NUP155: variants seen among roughly 807,000 people sequenced by gnomAD.
NUP155 encodes the protein nuclear pore complex protein Nup155.
Under a neutral mutation model 180.4 loss-of-function variants are expected in NUP155, and 71 were observed. The observed-to-expected ratio is 0.39, with a 90% CI of 0.33 to 0.48. The LOEUF (loss-of-function observed/expected upper bound fraction) is 0.48. Among genes scored for constraint, NUP155 ranks in the 20% least tolerant of loss-of-function variants. The probability of loss-of-function intolerance (pLI) is 0.91; values close to 1 mark genes in which losing one functional copy is unlikely to be tolerated. For missense variants in NUP155, 1,553 were observed against 1,648.9 expected (o/e 0.94, Z 1.01); for synonymous variants, 582 against 559.5 (o/e 1.04, Z -0.57).
At chr5:37,364,462 A>G (rs1747421044) in intron 1 of NUP155, 78 bp from the exon 2 acceptor site, 1 of 1,316,564 alleles carries the variant, frequency 7.6e-7, no homozygotes, top group Non-Finnish European at 1.1e-6. Flanking sequence ...GTGCCACAAA[A>G]AAATTGTTGT....
intron 17 of NUP155, among the ~76,000 whole-genome samples, 159 bp downstream of exon 17, chr5:37,328,199 C>G (rs779981901): frequency 6.6e-6 from 1 of 152,194 alleles, no homozygotes; most frequent in Non-Finnish European, 1.5e-5. Context: ...TAAAGGCATT[C>G]ACATCCAAAT....
chr5:37,325,781 A>T (rs1744559040), intron 19 of NUP155, 120 bp downstream of exon 19: 2 of 669,164 alleles, frequency 3.0e-6, no homozygotes, highest in Admixed American at 2.8e-5. Flanking sequence ...AAAAAAAAAA[A>T]AAAAAAAAAA....
At chr5:37,343,662 G>A (rs768145396) in intron 9 of NUP155, among the ~76,000 whole-genome samples, 3 of 151,916 alleles carry the variant, frequency 2.0e-5, no homozygotes, top group Non-Finnish European at 2.9e-5. Context: ...AAGCCGAGAC[G>A]GGCAGATAAC....
intron 1 of NUP155, 68 bp from the exon 2 acceptor site, chr5:37,364,452 G>T (rs897350086): frequency 8.5e-6 from 12 of 1,416,706 alleles, no homozygotes; most frequent in African/African-American, 1.4e-5. Flanking sequence ...AAAGGATTGA[G>T]TGCCACAAAA....
Position 37,342,539 on chromosome 5 carries a change from A to C in NUP155, c.1093+10T>G. The C allele has an allele frequency of 6.4e-7, 1 of 1,568,564 alleles. No homozygotes were observed. Among genetic ancestry groups the C allele is most frequent in the Non-Finnish European group, 8.8e-7 (1 of 1,138,686 alleles). On this transcript the variant is annotated intron_variant, in intron 10 of 34. Coordinates refer to ENST00000231498, the MANE Select transcript of NUP155 (RefSeq NM_153485.3). Reference sequence around the variant, plus strand: ...ACAGTAATAGCAGATATGTAAATAAAACAACATACCTGCATGTGTGACAGC... The same window carrying C: ...ACAGTAATAGCAGATATGTAAATAACACAACATACCTGCATGTGTGACAGC...
chr5:37,344,593 A>C (rs1037612807), intron 9 of NUP155, among the ~76,000 whole-genome samples: 1 of 151,698 alleles, frequency 6.6e-6, no homozygotes, highest in Non-Finnish European at 1.5e-5. Context: ...AAAAATGGAA[A>C]GAAAAACAAC....
chr5:37,339,492 G>A (rs1745571928), intron 11 of NUP155, among the ~76,000 whole-genome samples: 1 of 151,918 alleles, frequency 6.6e-6, no homozygotes. Flanking sequence ...GCCAGGAGTG[G>A]TGGCACATGC....
At chr5:37,352,938 T>C in intron 4 of NUP155, 109 bp from the exon 5 acceptor site, 1 of 728,654 alleles carries the variant, frequency 1.4e-6, no homozygotes. Flanking sequence ...ATATGAAAAG[T>C]CTGGATGCAG....
rs963642129 is a variant in NUP155, at chr5:37,290,491, AAGAG to A, written c.*1405_*1408del. 1 of 151,934 alleles carries A rather than the reference AAGAG, an allele frequency of 6.6e-6. No individual in the cohort carries two copies. The highest frequency in any genetic ancestry group is 1.5e-5 in the Non-Finnish European group (1 of 68,008). The allele number at this position is 151,934 out of a possible 1,614,324, so 9.4% of individuals were successfully genotyped here. ...AGATTCTGTCTCCAAAAAAAAAAAA[AAGAG>A]AGAAAGGAATAGAGTGTTTTGTTAG... On this transcript the variant is annotated 3_prime_UTR_variant, in exon 35 of 35. Coordinates refer to ENST00000231498, the MANE Select transcript of NUP155 (RefSeq NM_153485.3).
chr5:37,305,264 T>A, intron 25 of NUP155, 54 bp from the exon 26 acceptor site: 3 of 1,497,324 alleles, frequency 2.0e-6, no homozygotes, highest in Non-Finnish European at 2.8e-6. Flanking sequence ...AAGCAAATGA[T>A]GGTAAGTGTG....
intron 3 of NUP155, among the ~76,000 whole-genome samples, chr5:37,359,354 G>A (rs1181789546): frequency 6.6e-6 from 1 of 151,950 alleles, no homozygotes; most frequent in African/African-American, 2.4e-5. Context: ...CTCCACAACA[G>A]GGCTGCACAT....
At chr5:37,361,170 G>C (rs886645237) in intron 3 of NUP155, among the ~76,000 whole-genome samples, 1 of 150,264 alleles carries the variant, frequency 6.7e-6, no homozygotes, top group Non-Finnish European at 1.5e-5. Context: ...TCCAGAGGCT[G>C]AGGCAAGAAG....
intron 1 of NUP155, among the ~76,000 whole-genome samples, chr5:37,367,325 C>A (rs996701763): frequency 6.6e-5 from 10 of 151,842 alleles, no homozygotes; most frequent in African/African-American, 2.4e-4. Context: ...AGAGATTCTC[C>A]TGCCTCAGCC....
intron 29 of NUP155, among the ~76,000 whole-genome samples, chr5:37,302,238 ATTAT>A (rs1561768489): frequency 6.6e-6 from 1 of 152,010 alleles, no homozygotes; most frequent in Non-Finnish European, 1.5e-5. Flanking sequence ...ATTTTTTATT[ATTAT>A]TATTTTTTGA....
At chr5:37,349,872 T>C (rs1448437003) in intron 7 of NUP155, among the ~76,000 whole-genome samples, 1 of 152,204 alleles carries the variant, frequency 6.6e-6, no homozygotes, top group Non-Finnish European at 1.5e-5. Flanking sequence ...TCTGAATGTC[T>C]GTCTCTCTCA....
At chr5:37,351,871 AGTGTGTGTGTGTGT>A (rs141685160) in intron 5 of NUP155, among the ~76,000 whole-genome samples, 4 of 148,540 alleles carry the variant, frequency 2.7e-5, no homozygotes, top group African/African-American at 4.9e-5. Context: ...AGAGTGTGTG[AGTGTGTGTGTGTGT>A]GTGTGTGTGC....
chr5:37,331,455 T>A (rs1337307933), intron 14 of NUP155, among the ~76,000 whole-genome samples: 2 of 152,164 alleles, frequency 1.3e-5, no homozygotes, highest in Non-Finnish European at 2.9e-5. Flanking sequence ...ATGCCTGTAA[T>A]CCCAGCTACT....
rs1414716470 is a variant in NUP155, at chr5:37,333,559, T to C, written c.1422A>G (p.Thr474=). 1 of 1,613,580 alleles carries C rather than the reference T, an allele frequency of 6.2e-7. No individual in the cohort carries two copies. Among genetic ancestry groups the C allele is most frequent in the South Asian group, 1.1e-5 (1 of 91,072 alleles). ...IDELKVDKII[T]PLNKDHIPIT... ...TTGGAATATGATCCTTGTTTAAAGG[T>C]GTAATTATTTTATCTACTTTCAATT... is the stretch of plus-strand genomic sequence containing the variant. The change falls in exon 13 of 35, where the codon ACA becomes ACG. Residue 474 remains threonine, a synonymous_variant. Coordinates refer to ENST00000231498, the MANE Select transcript of NUP155 (RefSeq NM_153485.3).
At position 37,292,871 on chromosome 5, in the gene NUP155, A is replaced by G. The variant is rs749618327; in HGVS notation, c.4037+8T>C. The G allele has an allele frequency of 3.9e-6, 6 of 1,552,616 alleles. No homozygotes were observed. Among genetic ancestry groups the G allele is most frequent in the East Asian group, 4.5e-5 (2 of 44,450 alleles). On this transcript the variant is annotated splice_region_variant and intron_variant, in intron 34 of 34. Transcript: ENST00000231498. ...CTTTTGCTGATCCAATATTTAATTC[A>G]TAAGTACCTTTCACAATTTAAAACT...
Sources: gnomAD v4.1 joint callset for allele counts (sites outside exome capture counted in the v4.1 genomes callset) on GRCh38, gnomAD v4.1.1 for gene constraint, MANE v1.5 for transcripts, NCBI Gene and HGNC (gene_info 2026-07-23, HGNC 2026-07-21) for gene names.